Variants in SBDS observed in about 807,000 individuals in gnomAD.
The protein encoded by SBDS is ribosome maturation protein SBDS.
In SBDS, 20 loss-of-function variants were observed where a neutral mutation model predicts 26.4. The ratio of observed to expected loss-of-function variants is 0.76; its 90% confidence interval spans 0.53 to 1.10. SBDS has a LOEUF of 1.10. SBDS is among the 50% of genes least tolerant of loss of function. The probability of loss-of-function intolerance (pLI) is 0.00; values close to 1 mark genes in which losing one functional copy is unlikely to be tolerated. For synonymous variants in SBDS, 95 were observed against 105.1 expected, an observed-to-expected ratio of 0.90 and a Z score of 0.59; for missense variants, 241 against 302.0, an observed-to-expected ratio of 0.80 and a Z score of 1.50.
Position 66,994,233 on chromosome 7 carries a change from G to C in SBDS, c.237C>G (p.Asp79Glu), listed in dbSNP as rs760622455. The C allele has an allele frequency of 6.2e-7, 1 of 1,614,054 alleles. No individual in the cohort carries two copies. The highest frequency in any genetic ancestry group is 1.7e-5 in the Admixed American group (1 of 60,004). Reference sequence around the variant, plus strand: ...CCACCTGCTTACAGATTTCAGTTTGGTCATCTGTTCCAAACGCACTGATGA... The same window carrying C: ...CCACCTGCTTACAGATTTCAGTTTGCTCATCTGTTCCAAACGCACTGATGA... ...EDLISAFGTD[D>E]QTEICKQILT... The change falls in exon 2 of 5, where the codon GAC (aspartate) becomes GAG (glutamate). Residue 79 changes from aspartate to glutamate, a missense_variant. Physicochemically the swap from Asp to Glu is conservative, Grantham distance 45. Coordinates refer to ENST00000246868, the MANE Select transcript of SBDS (RefSeq NM_016038.4).
chr7:66,990,585 A>T (rs12534401), intron 4 of SBDS, among the ~76,000 whole-genome samples: 5,552 of 152,300 alleles, frequency 0.036, 163 homozygotes, highest in Middle Eastern at 0.092. Flanking sequence ...AGCAATTTTT[A>T]AGTGGCTTAT....
In SBDS at chr7:66,995,297, T is replaced by G; in HGVS notation, c.121A>C (p.Ser41Arg). 1 of 1,613,770 alleles carries G rather than the reference T, an allele frequency of 6.2e-7. No homozygotes were observed. The highest frequency in any genetic ancestry group is 8.5e-7 in the Non-Finnish European group (1 of 1,179,982). Residue 41 changes from serine (S) to arginine (R), a missense_variant, in exon 1 of 5, where the codon AGC becomes CGC. By Grantham distance (110) the Ser-to-Arg change is moderately radical. Transcript: ENST00000246868. ...CYKNKVVGWRSGVEKDLDEVL... is the reference protein window; with the variant it reads ...CYKNKVVGWRRGVEKDLDEVL... ...AGGGAGGGGGCTACTCACACGCCGCTCCGCCAGCCGACGACCTTGTTTTTG... is the reference window on the plus strand; with the variant it reads ...AGGGAGGGGGCTACTCACACGCCGCGCCGCCAGCCGACGACCTTGTTTTTG...
intron 4 of SBDS, among the ~76,000 whole-genome samples, chr7:66,988,937 T>C (rs1239436143): frequency 6.6e-6 from 1 of 152,132 alleles, no homozygotes; most frequent in Non-Finnish European, 1.5e-5. Flanking sequence ...TGGTGTGATC[T>C]TGGCTCACTG....
At chr7:66,994,511 C>CCCCCCCCCCGCCCT in intron 1 of SBDS, 170 bp from the exon 2 acceptor site, 1 of 656,790 alleles carries the variant, frequency 1.5e-6, no homozygotes, top group South Asian at 1.6e-5. Context: ...ACCCCCGCCC[C>CCCCCCCCCCGCCCT]TAGATGGAAT....
chr7:66,990,948 C>T (rs370740117), intron 4 of SBDS, 189 bp downstream of exon 4: 32 of 498,304 alleles, frequency 6.4e-5, no homozygotes, highest in Admixed American at 3.8e-4. Context: ...ACCCGGGAGG[C>T]GGAGCTTGCA....
intron 1 of SBDS, among the ~76,000 whole-genome samples, chr7:66,994,644 G>A (rs1464206662): frequency 2.6e-5 from 4 of 152,112 alleles, no homozygotes; most frequent in Admixed American, 1.3e-4. Context: ...ACAGGCATGC[G>A]CCACCACACC....
intron 4 of SBDS, among the ~76,000 whole-genome samples, chr7:66,990,670 G>A (rs1432258777): frequency 6.6e-6 from 1 of 152,038 alleles, no homozygotes; most frequent in African/African-American, 2.4e-5. Context: ...AATAAATGCT[G>A]GGAAAAAAAT....
At chr7:66,988,533 G>T in intron 4 of SBDS, 34 bp from the exon 5 acceptor site, 1 of 1,610,016 alleles carries the variant, frequency 6.2e-7, no homozygotes. Flanking sequence ...TACCACATGA[G>T]GATGAGCAAG....
chr7:66,994,363 G>A (rs1240040821), intron 1 of SBDS, 22 bp from the exon 2 acceptor site: 1 of 1,610,908 alleles, frequency 6.2e-7, no homozygotes, highest in Non-Finnish European at 8.5e-7. Flanking sequence ...AGGAGAGAAA[G>A]TCCTATGTGA....
chr7:66,991,242 C>A lies in SBDS; in HGVS notation c.519G>T (p.Arg173Ser), dbSNP rs760663897. 3.7e-6 allele frequency: 6 copies of A among 1,613,930 alleles called. No homozygotes were observed. Residue 173 changes from arginine to serine, a missense_variant, in exon 4 of 5, where the codon AGG (arginine) becomes AGT (serine). Transcript: ENST00000246868. ...EKMKIERAHM[R>S]LRFILPVNEG... ...CATTGACTGGAAGGATGAACCGAAG[C>A]CTCATGTGAGCACGTTCTATCTTCA...
At position 66,995,461 on chromosome 7, in the gene SBDS, C is replaced by G; in HGVS notation, c.-44G>C. The G allele has an allele frequency of 1.2e-6, 2 of 1,612,248 alleles. No homozygotes were observed. Among genetic ancestry groups the G allele is most frequent in the Non-Finnish European group, 1.7e-6 (2 of 1,179,806 alleles). ...CAGAAGCCGGCGAACCAGGGCTGAC[C>G]CGCGCCGTCCAGCCTGAAGGCCACC... On this transcript the variant is annotated 5_prime_UTR_variant, in exon 1 of 5. Coordinates refer to ENST00000246868, the MANE Select transcript of SBDS (RefSeq NM_016038.4).
chr7:66,988,319 C>T lies in SBDS; in HGVS notation c.*52G>A, dbSNP rs11557420. The stretch of plus-strand genomic sequence containing the variant: ...GCAGACCACAGACATGAAACAGTGC[C>T]GTCGGAAACGGAAACACTTTAGTGT... On this transcript the variant is annotated 3_prime_UTR_variant, in exon 5 of 5. Transcript: ENST00000246868. 21 of 1,598,010 alleles carry T rather than the reference C, an allele frequency of 1.3e-5. No individual in the cohort carries two copies. In the Admixed American group the frequency reaches 2.2e-4, roughly 17 times the overall value.
At chr7:66,990,532 A>C (rs1030114110) in intron 4 of SBDS, among the ~76,000 whole-genome samples, 4 of 152,204 alleles carry the variant, frequency 2.6e-5, no homozygotes, top group African/African-American at 7.2e-5. Context: ...TAATTTTTGC[A>C]AAATTTTTAA....
chr7:66,990,019 TC>T (rs1419298293), intron 4 of SBDS, among the ~76,000 whole-genome samples: 2 of 134,140 alleles, frequency 1.5e-5, no homozygotes, highest in Non-Finnish European at 3.3e-5. Context: ...CAGAATTCAA[TC>T]TTTTTTTTTT....
At chr7:66,994,166 G>A (rs780817749) in intron 2 of SBDS, 46 bp downstream of exon 2, 18 of 1,601,348 alleles carry the variant, frequency 1.1e-5, no homozygotes, top group South Asian at 2.2e-5. Context: ...CTACAAATAC[G>A]TTATAAATGG....
In SBDS at chr7:66,994,287, A is replaced by G. The variant is rs200346194; in HGVS notation, c.183T>C (p.Ser61=). ...LQTHSVFVNV[S]KGQVAKKEDL... The stretch of plus-strand genomic sequence containing the variant: ...CTTCCTTTTTGGCAACCTGACCTTT[A>G]GAAACATTTACAAACACTGAGTGGG... The change falls in exon 2 of 5, where the codon TCT becomes TCC. Residue 61 remains serine (S), a synonymous_variant. Coordinates refer to ENST00000246868, the MANE Select transcript of SBDS (RefSeq NM_016038.4). 859 of 1,613,162 alleles carry G rather than the reference A, an allele frequency of 5.3e-4. No homozygotes were observed. Among genetic ancestry groups the G allele is most frequent in the Admixed American group, 1.2e-3 (70 of 59,960 alleles).
At position 66,988,398 on chromosome 7, in the gene SBDS, T is replaced by G. The variant is rs772620554; in HGVS notation, c.726A>C (p.Val242=). The G allele has an allele frequency of 6.2e-7, 1 of 1,613,644 alleles. No homozygotes were observed. Among genetic ancestry groups the G allele is most frequent in the African/African-American group, 1.3e-5 (1 of 74,944 alleles). ...GSLEVLNLKD[V]EEGDEKFE is the part of the protein sequence containing the mutation. ...ATTCAAATTTCTCATCTCCTTCTTC[T>G]ACATCTTTCAGATTGAGTACTTCCA... The change falls in exon 5 of 5, where the codon GTA becomes GTC. Residue 242 remains valine, a synonymous_variant. Coordinates refer to ENST00000246868, the MANE Select transcript of SBDS (RefSeq NM_016038.4).
chr7:66,990,020 CT>C (rs71293171), intron 4 of SBDS, among the ~76,000 whole-genome samples: 331 of 141,304 alleles, frequency 2.3e-3, no homozygotes, highest in Non-Finnish European at 2.6e-3. Flanking sequence ...AGAATTCAAT[CT>C]TTTTTTTTTT....
chr7:66,988,793 C>T (rs1336258175), intron 4 of SBDS, among the ~76,000 whole-genome samples: 2 of 152,196 alleles, frequency 1.3e-5, no homozygotes, highest in Non-Finnish European at 2.9e-5. Flanking sequence ...TCTGATTCTT[C>T]TCATACTAAA....
Sources: gnomAD v4.1 joint callset for allele counts (sites outside exome capture counted in the v4.1 genomes callset) on GRCh38, gnomAD v4.1.1 for gene constraint, MANE v1.5 for transcripts, NCBI Gene and HGNC (gene_info 2026-07-23, HGNC 2026-07-21) for gene names.